The following CCDC83 variants were observed in gnomAD, a reference collection of about 807,000 sequenced individuals.
CCDC83 encodes coiled-coil domain containing 83.
A neutral mutation model predicts 50.1 loss-of-function variants in CCDC83; 54 were observed. That is an observed-to-expected ratio of 1.08 (90% confidence interval 0.87 to 1.35). The LOEUF (loss-of-function observed/expected upper bound fraction) is 1.35, where lower values mean the gene tolerates loss of function less well. Among genes scored for constraint, CCDC83 ranks in the 40% most tolerant of loss-of-function variants. The pLI, the probability that CCDC83 is intolerant of heterozygous loss-of-function variation, is 0.00. For missense variants in CCDC83, 518 were observed against 473.9 expected (o/e 1.09, Z -0.86); for synonymous variants, 161 against 153.3 (o/e 1.05, Z -0.37).
At chr11:85,912,152 G>A (rs2093457484) in intron 8 of CCDC83, among the ~76,000 whole-genome samples, 1 of 152,148 alleles carries the variant, frequency 6.6e-6, no homozygotes, top group African/African-American at 2.4e-5. Flanking sequence ...GTGCAAGTAT[G>A]GGAGAGAAAT....
chr11:85,873,392 A>C (rs2093251172), intron 3 of CCDC83, 97 bp downstream of exon 3: 1 of 497,378 alleles, frequency 2.0e-6, no homozygotes, highest in Non-Finnish European at 3.6e-6. Context: ...CTAGGAAATT[A>C]TCTTCTTCAA....
chr11:85,914,312 A>C (rs1221546907), intron 8 of CCDC83, among the ~76,000 whole-genome samples: 1 of 152,260 alleles, frequency 6.6e-6, no homozygotes, highest in Admixed American at 6.5e-5. Context: ...CAATTACTTC[A>C]TGCTGTCTTC....
At chr11:85,863,794 C>T (rs1358129249) in intron 1 of CCDC83, among the ~76,000 whole-genome samples, 1 of 152,214 alleles carries the variant, frequency 6.6e-6, no homozygotes, top group Non-Finnish European at 1.5e-5. Context: ...TTGCAGAAGG[C>T]AGCCATTCTA....
intron 7 of CCDC83, among the ~76,000 whole-genome samples, chr11:85,901,682 A>C (rs1207772036): frequency 6.6e-6 from 1 of 152,022 alleles, no homozygotes; most frequent in Non-Finnish European, 1.5e-5. Context: ...GACATAGAGT[A>C]CTAATGTAAG....
chr11:85,896,021 A>G (rs2093373225), intron 6 of CCDC83, among the ~76,000 whole-genome samples: 1 of 152,140 alleles, frequency 6.6e-6, no homozygotes, highest in Admixed American at 6.5e-5. Flanking sequence ...AGTATAAGAA[A>G]TATACGTTGA....
At chr11:85,878,656 T>G (rs558735328) in intron 3 of CCDC83, among the ~76,000 whole-genome samples, 2 of 152,236 alleles carry the variant, frequency 1.3e-5, no homozygotes, top group Non-Finnish European at 2.9e-5. Context: ...GACAGGTATT[T>G]TTAAGAACAA....
intron 5 of CCDC83, among the ~76,000 whole-genome samples, chr11:85,888,994 C>T (rs2093339440): frequency 6.6e-6 from 1 of 152,190 alleles, no homozygotes; most frequent in Non-Finnish European, 1.5e-5. Context: ...GTATTTATTT[C>T]ACATTTTTAA....
At chr11:85,858,774 G>A (rs2093157395) in intron 1 of CCDC83, among the ~76,000 whole-genome samples, 1 of 152,140 alleles carries the variant, frequency 6.6e-6, no homozygotes. Flanking sequence ...TGGTTCACAG[G>A]TTCAGTGGTA....
chr11:85,900,218 G>C (rs1025617979), intron 7 of CCDC83, among the ~76,000 whole-genome samples: 1 of 152,170 alleles, frequency 6.6e-6, no homozygotes, highest in Non-Finnish European at 1.5e-5. Flanking sequence ...TGAATAGGGA[G>C]CATCTGTATC....
chr11:85,889,208 CT>C (rs1342742473), intron 5 of CCDC83, among the ~76,000 whole-genome samples: 1 of 152,182 alleles, frequency 6.6e-6, no homozygotes, highest in Non-Finnish European at 1.5e-5. Flanking sequence ...CAAAAGTTAG[CT>C]GGGTGTGGTG....
At position 85,889,727 on chromosome 11, in the gene CCDC83, C is replaced by A. The variant is rs367641634; in HGVS notation, c.511+3360C>A. On this transcript the variant is annotated intron_variant, in intron 5 of 10. Coordinates refer to ENST00000342404, the MANE Select transcript of CCDC83 (RefSeq NM_001286159.2). ...TCTTTCATGATTTTCCTGGAATTCTCCTCCAATGATTATGGGGTTTGCGTT... is the reference window on the plus strand; with the variant it reads ...TCTTTCATGATTTTCCTGGAATTCTACTCCAATGATTATGGGGTTTGCGTT... Among the ~76,000 whole-genome samples the A allele has an allele frequency of 1.1e-4, 16 of 152,260 alleles. No individual in the cohort carries two copies. The East Asian group carries it at 1.7e-3, about 17-fold the overall frequency.
intron 6 of CCDC83, among the ~76,000 whole-genome samples, chr11:85,898,620 ATGTT>A (rs1193211007): frequency 6.6e-6 from 1 of 152,244 alleles, no homozygotes; most frequent in Admixed American, 6.5e-5. Flanking sequence ...AACTTAAAGA[ATGTT>A]TGATCACTGC....
intron 8 of CCDC83, chr11:85,912,787 C>A: frequency 8.7e-7 from 1 of 1,148,622 alleles, no homozygotes; most frequent in Non-Finnish European, 1.3e-6. Flanking sequence ...TGTCCACTGC[C>A]CTCTTTTCTG....
At chr11:85,902,829 T>C (rs1307105984) in intron 7 of CCDC83, among the ~76,000 whole-genome samples, 1 of 152,162 alleles carries the variant, frequency 6.6e-6, no homozygotes, top group Non-Finnish European at 1.5e-5. Flanking sequence ...GTTTATACCA[T>C]GGGTCATAGT....
chr11:85,859,796 GCAA>G (rs760700690), intron 1 of CCDC83, among the ~76,000 whole-genome samples: 1 of 152,112 alleles, frequency 6.6e-6, no homozygotes, highest in Non-Finnish European at 1.5e-5. Context: ...AAAAGCAACT[GCAA>G]CAACAACAAA....
chr11:85,876,897 A>G (rs2135015997), intron 3 of CCDC83, among the ~76,000 whole-genome samples: 1 of 152,260 alleles, frequency 6.6e-6, no homozygotes, highest in Admixed American at 6.5e-5. Context: ...TTTGTAGCTT[A>G]TTTACTGAAT....
At chr11:85,869,925 C>T (rs556814535) in intron 2 of CCDC83, among the ~76,000 whole-genome samples, 1 of 152,330 alleles carries the variant, frequency 6.6e-6, no homozygotes, top group East Asian at 1.9e-4. Context: ...CTACCATAAG[C>T]TCCACAAGCG....
At chr11:85,877,929 G>A (rs995336049) in intron 3 of CCDC83, among the ~76,000 whole-genome samples, 12 of 152,010 alleles carry the variant, frequency 7.9e-5, no homozygotes, top group Non-Finnish European at 1.5e-4. Flanking sequence ...TATTATTCAA[G>A]TTTCTATAAA....
chr11:85,916,508 A>T (rs1228734018), intron 10 of CCDC83: 3 of 366,486 alleles, frequency 8.2e-6, no homozygotes, highest in Non-Finnish European at 1.5e-5. Context: ...CTAGTGGCTT[A>T]TAACAATAAC....
Sources: gnomAD v4.1 joint callset for allele counts (sites outside exome capture counted in the v4.1 genomes callset) on GRCh38, gnomAD v4.1.1 for gene constraint, MANE v1.5 for transcripts, NCBI Gene and HGNC (gene_info 2026-07-23, HGNC 2026-07-21) for gene names.